The following F7 variants were observed in gnomAD, a reference collection of about 807,000 sequenced individuals.
F7 encodes coagulation factor VII, also known as FVII coagulation protein.
In F7, 38 loss-of-function variants were observed where a neutral mutation model predicts 47.5. That is an observed-to-expected ratio of 0.80 (90% CI 0.62 to 1.05). The LOEUF (loss-of-function observed/expected upper bound fraction) is 1.05. Among genes scored for constraint, F7 ranks in the 50% least tolerant of loss-of-function variants. The probability of loss-of-function intolerance (pLI) is 0.00; values close to 1 mark genes in which losing one functional copy is unlikely to be tolerated. For synonymous variants in F7, 244 were observed against 258.5 expected (o/e 0.94, Z 0.54); for missense variants, 575 against 605.4 (o/e 0.95, Z 0.53).
At chr13:113,115,535 C>T (rs1313092167) in intron 4 of F7, 125 bp from the exon 5 acceptor site, 2 of 1,063,800 alleles carry the variant, frequency 1.9e-6, no homozygotes, top group East Asian at 5.2e-5. Flanking sequence ...CAGGCTCTGT[C>T]ACCCACAGCT....
intron 2 of F7, among the ~76,000 whole-genome samples, chr13:113,112,930 ATCACT>A (rs1433796307): frequency 6.7e-6 from 1 of 149,420 alleles, no homozygotes; most frequent in African/African-American, 2.5e-5. Flanking sequence ...ATACTCACAG[ATCACT>A]TCATTCTCAC....
At chr13:113,117,188 A>C (rs1018615667) in intron 6 of F7, among the ~76,000 whole-genome samples, 6 of 152,236 alleles carry the variant, frequency 3.9e-5, no homozygotes, top group Non-Finnish European at 8.8e-5. Flanking sequence ...CAAAATCAGG[A>C]GCATTGGATC....
chr13:113,114,859 T>C (rs2036166445), intron 4 of F7: 1 of 152,896 alleles, frequency 6.5e-6, no homozygotes, highest in Non-Finnish European at 1.5e-5. Context: ...AGGCAAAGGC[T>C]ACCCTTTCTC....
chr13:113,109,122 TCC>T (rs2036036884), intron 1 of F7, among the ~76,000 whole-genome samples: 1 of 96,502 alleles, frequency 1.0e-5, no homozygotes, highest in Non-Finnish European at 2.3e-5. Context: ...AGTGTGGGTG[TCC>T]CGGGGGCGTG....
rs1187115688 is a variant in F7 at position 113,120,229 on chromosome 13, C to T, written c.*1221C>T. ...TTGGATGTTCTCTCCCTGCCACAGC[C>T]CTTGTCAATGATATTTCACAGAGAC... is the stretch of plus-strand genomic sequence containing the variant. On this transcript the variant is annotated 3_prime_UTR_variant, in exon 8 of 8. Coordinates refer to ENST00000346342, the MANE Select transcript of F7 (RefSeq NM_019616.4). The T allele has an allele frequency of 6.6e-6, 1 of 152,224 alleles. No homozygotes were observed. Among genetic ancestry groups the T allele is most frequent in the Non-Finnish European group, 1.5e-5 (1 of 68,048 alleles). 9.4% of individuals were successfully genotyped at this position (152,224 alleles called of 1,614,324 possible).
At chr13:113,112,560 C>T (rs909864854) in intron 2 of F7, among the ~76,000 whole-genome samples, 2 of 147,684 alleles carry the variant, frequency 1.4e-5, no homozygotes, top group African/African-American at 5.0e-5. Context: ...CTCACACTCA[C>T]AGGACACCTC....
At position 113,113,602 on chromosome 13, in the gene F7, T is replaced by C; in HGVS notation, c.226-150T>C. 1.3e-6 allele frequency: 1 copy of C among 792,086 alleles called. No homozygotes were observed. Among genetic ancestry groups the C allele is most frequent in the Non-Finnish European group, 2.2e-6 (1 of 448,682 alleles). 49.1% of individuals were successfully genotyped at this position (792,086 alleles called of 1,614,324 possible). ...GGGCCAAGATTAGAAGAAACCTACC[T>C]CAGCTCCAGAGGAAAGTCTGGCTTC... On this transcript the variant is annotated intron_variant, in intron 2 of 7. Transcript: ENST00000346342. This position sits in a 1 kb window ranked among gnomAD's most constrained non-coding sequence, Gnocchi z 4.1.
At chr13:113,106,954 G>C in intron 1 of F7, 1 of 1,561,486 alleles carries the variant, frequency 6.4e-7, no homozygotes, top group Non-Finnish European at 8.7e-7. Flanking sequence ...GCCCAGTGGG[G>C]GCCAACATCA....
chr13:113,115,413 A>G (rs1595076761), intron 4 of F7, among the ~76,000 whole-genome samples: 1 of 152,144 alleles, frequency 6.6e-6, no homozygotes, highest in East Asian at 1.9e-4. Flanking sequence ...GCACCCCCCA[A>G]ATGCAACCGC....
chr13:113,118,851 C>T lies in F7; in HGVS notation c.1178C>T (p.Thr393Met), dbSNP rs1205970958. The T allele has an allele frequency of 8.1e-6, 13 of 1,612,686 alleles. No homozygotes were observed. In the East Asian group the frequency reaches 2.0e-4, roughly 25 times the overall value. Reference protein sequence around the residue: ...GGPHATHYRGTWYLTGIVSWG... With the variant: ...GGPHATHYRGMWYLTGIVSWG... ...CCACATGCCACCCACTACCGGGGCACGTGGTACCTGACGGGCATCGTCAGC... is the reference window on the plus strand; with the variant it reads ...CCACATGCCACCCACTACCGGGGCATGTGGTACCTGACGGGCATCGTCAGC... Residue 393 changes from threonine (T) to methionine (M), a missense_variant, in exon 8 of 8, where the codon ACG (threonine) becomes ATG (methionine). Transcript: ENST00000346342.
In F7 at chr13:113,119,626, C is replaced by T; in HGVS notation, c.*618C>T. 1 of 165,084 alleles carries T rather than the reference C, an allele frequency of 6.1e-6. No individual in the cohort carries two copies. Among genetic ancestry groups the T allele is most frequent in the Non-Finnish European group, 1.3e-5 (1 of 76,250 alleles). The allele number at this position is 165,084 out of a possible 1,614,324, so 10.2% of individuals were successfully genotyped here. ...ACATGGATGCACGCACATGCCAATG[C>T]ACGCACACATCAGTGCACACGGATG... On this transcript the variant is annotated 3_prime_UTR_variant, in exon 8 of 8. Transcript: ENST00000346342.
chr13:113,111,813 ACACT>A (rs1308798511), intron 2 of F7, among the ~76,000 whole-genome samples: 2 of 33,118 alleles, frequency 6.0e-5, no homozygotes, highest in African/African-American at 1.6e-4. Context: ...GGCACACTTC[ACACT>A]CACAGGTCAC....
intron 5 of F7, 73 bp from the exon 6 acceptor site, chr13:113,116,693 T>C: frequency 8.1e-7 from 1 of 1,234,642 alleles, no homozygotes; most frequent in Non-Finnish European, 1.2e-6. Context: ...AGGATGGGTG[T>C]TTCTGAATCT....
At chr13:113,109,793 G>A (rs1484978715) in intron 1 of F7, among the ~76,000 whole-genome samples, 3 of 152,124 alleles carry the variant, frequency 2.0e-5, no homozygotes, top group African/African-American at 7.2e-5. Context: ...CCGGGGCGGG[G>A]GTCACTCTCC....
chr13:113,118,277 T>G, intron 7 of F7, 136 bp from the exon 8 acceptor site: 1 of 971,366 alleles, frequency 1.0e-6, no homozygotes, highest in Non-Finnish European at 1.5e-6. Context: ...CACCTTGGGG[T>G]TAGATGCAGG....
Position 113,109,961 on chromosome 13 carries a change from C to T in F7, c.65-729C>T, listed in dbSNP as rs1191538230. On this transcript the variant is annotated intron_variant, in intron 1 of 7. Coordinates refer to ENST00000346342, the MANE Select transcript of F7 (RefSeq NM_019616.4). ...CAGCCCCGTCTTCCCATGGGCAAAA[C>T]GGCGGTCCTGTTTGTCCACAAGTAA... 1.3e-5 allele frequency among the ~76,000 whole-genome samples: 2 copies of T among 152,344 alleles called. 1 individual carries two copies. The highest frequency in any genetic ancestry group is 4.8e-5 in the African/African-American group (2 of 41,582).
chr13:113,118,768 G>T lies in F7; in HGVS notation c.1095G>T (p.Met365Ile), dbSNP rs2036246423. Residue 365 changes from methionine (M) to isoleucine (I), a missense_variant, in exon 8 of 8, where the codon ATG becomes ATT. Transcript: ENST00000346342. ...ACTCCCCAAATATCACGGAGTACAT[G>T]TTCTGTGCCGGCTACTCGGATGGCA... ...VGDSPNITEYMFCAGYSDGSK... is the reference protein window; with the variant it reads ...VGDSPNITEYIFCAGYSDGSK... 2 of 1,613,142 alleles carry T rather than the reference G, an allele frequency of 1.2e-6. No individual in the cohort carries two copies. The highest frequency in any genetic ancestry group is 1.7e-6 in the Non-Finnish European group (2 of 1,180,006).
chr13:113,107,041 C>A, intron 1 of F7: 1 of 1,062,734 alleles, frequency 9.4e-7, no homozygotes, highest in Non-Finnish European at 1.4e-6. Flanking sequence ...GTGTTCCCTG[C>A]TCGAGAGGAA....
At chr13:113,109,882 T>A (rs1401394720) in intron 1 of F7, among the ~76,000 whole-genome samples, 1 of 152,240 alleles carries the variant, frequency 6.6e-6, no homozygotes, top group Non-Finnish European at 1.5e-5. Context: ...AAGAGCGGCC[T>A]GCTCGGAGCT....
Sources: allele counts gnomAD v4.1 joint callset (sites outside exome capture counted in the v4.1 genomes callset), GRCh38; gene constraint gnomAD v4.1.1; non-coding constraint Gnocchi (gnomAD v3.1); transcripts MANE v1.5; gene names NCBI Gene and HGNC (gene_info 2026-07-23, HGNC 2026-07-21).